GPC6: variants seen among roughly 807,000 people sequenced by gnomAD.
GPC6 encodes glypican 6.
GPC6 carries 14 observed loss-of-function variants against 55.2 expected under a neutral mutation model. The observed-to-expected ratio is 0.25, with a 90% confidence interval of 0.17 to 0.40. The LOEUF is 0.40. GPC6 is among the 10% of genes least tolerant of loss of function. The probability of loss-of-function intolerance (pLI) is 1.00; values close to 1 mark genes in which losing one functional copy is unlikely to be tolerated. For missense variants in GPC6, 641 were observed against 708.5 expected, an observed-to-expected ratio of 0.90 and a Z score of 1.08; for synonymous variants, 278 against 259.6, an observed-to-expected ratio of 1.07 and a Z score of -0.68.
intron 6 of GPC6, among the ~76,000 whole-genome samples, chr13:94,327,603 T>C (rs1877192423): frequency 6.6e-6 from 1 of 152,212 alleles, no homozygotes; most frequent in African/African-American, 2.4e-5. Flanking sequence ...GACACTTTAC[T>C]CTGACCCAGG....
At chr13:93,655,225 C>A (rs2139604472) in intron 2 of GPC6, among the ~76,000 whole-genome samples, 1 of 152,074 alleles carries the variant, frequency 6.6e-6, no homozygotes, top group Middle Eastern at 3.4e-3. Flanking sequence ...CAACAGTTTT[C>A]TTTTTTTCCC....
chr13:93,662,168 T>C (rs1880951476), intron 2 of GPC6, among the ~76,000 whole-genome samples: 1 of 152,232 alleles, frequency 6.6e-6, no homozygotes, highest in South Asian at 2.1e-4. Flanking sequence ...CATATATGTT[T>C]CTCTTCCTTC....
chr13:93,844,965 C>T (rs1274604762), intron 3 of GPC6, among the ~76,000 whole-genome samples: 2 of 151,984 alleles, frequency 1.3e-5, no homozygotes, highest in African/African-American at 2.4e-5. Context: ...AGGTATGCGG[C>T]GTTATTTCTA....
intron 2 of GPC6, among the ~76,000 whole-genome samples, chr13:93,548,690 G>T (rs1408976764): frequency 6.6e-6 from 1 of 152,078 alleles, no homozygotes; most frequent in Non-Finnish European, 1.5e-5. Context: ...GGAAGTTAAA[G>T]TGGAATCAGT....
rs1883177496 is a variant in GPC6, at chr13:93,714,351, A to G, written c.320-115803A>G. Among the ~76,000 whole-genome samples the G allele has an allele frequency of 1.3e-5, 2 of 151,972 alleles. 1 individual carries two copies. The highest frequency in any genetic ancestry group is 4.1e-4 in the South Asian group (2 of 4,830). Reference sequence around the variant, plus strand: ...GAAAAAATGCCCATCATCACTAGTCATCAGAGTACTGCACATCAAAACCAC... The same window carrying G: ...GAAAAAATGCCCATCATCACTAGTCGTCAGAGTACTGCACATCAAAACCAC... On this transcript the variant is annotated intron_variant, in intron 2 of 8. Transcript: ENST00000377047.
intron 3 of GPC6, among the ~76,000 whole-genome samples, chr13:93,994,658 G>A (rs1881457810): frequency 6.6e-6 from 1 of 152,124 alleles, no homozygotes; most frequent in Non-Finnish European, 1.5e-5. Context: ...TGAAGATAGT[G>A]GTTCTGTAAG....
At chr13:93,850,865 G>T (rs544920543) in intron 3 of GPC6, among the ~76,000 whole-genome samples, 2 of 152,032 alleles carry the variant, frequency 1.3e-5, no homozygotes, top group South Asian at 2.1e-4. Flanking sequence ...CAATGTGATG[G>T]TTATTGAGGT....
At chr13:93,554,157 AAGAGAG>A (rs916016699) in intron 2 of GPC6, among the ~76,000 whole-genome samples, 1 of 151,018 alleles carries the variant, frequency 6.6e-6, no homozygotes, top group Non-Finnish European at 1.5e-5. Context: ...AAAAAAAAAA[AAGAGAG>A]AGAGAGAGCT....
At chr13:93,968,427 G>A (rs931574539) in intron 3 of GPC6, among the ~76,000 whole-genome samples, 1 of 152,054 alleles carries the variant, frequency 6.6e-6, no homozygotes, top group African/African-American at 2.4e-5. Context: ...TTAAAAAACA[G>A]TTTTTAATAT....
intron 1 of GPC6, among the ~76,000 whole-genome samples, chr13:93,448,785 G>A (rs1238237454): frequency 2.0e-5 from 3 of 152,114 alleles, no homozygotes; most frequent in Non-Finnish European, 2.9e-5. Flanking sequence ...TAAATGTCTT[G>A]TATAAGATTC....
Position 93,979,281 on chromosome 13 carries a change from TTGTG to T in GPC6, c.712-48414_712-48411del, listed in dbSNP as rs72400372. ...ATTGGACAGCACAAAGACACTTCTT[TTGTG>T]TGTGTGTGTGTGTGTGTGTGTGTGT... On this transcript the variant is annotated intron_variant, in intron 3 of 8. Transcript: ENST00000377047. Among the ~76,000 whole-genome samples the T allele has an allele frequency of 8.7e-3, 1,215 of 140,228 alleles. 8 individuals carry two copies. The highest frequency in any genetic ancestry group is 0.019 in the Middle Eastern group (5 of 270). 92.0% of individuals were successfully genotyped at this position (140,228 alleles called of 152,430 possible). A position where few individuals can be genotyped will look rare whatever the true frequency, so the allele number is the denominator to read the frequency against.
rs1434969000 is a variant in GPC6, at chr13:93,491,214, A to G, written c.161-54049A>G. 5.8e-5 allele frequency among the ~76,000 whole-genome samples: 2 copies of G among 34,376 alleles called. 1 individual carries two copies. The highest frequency in any genetic ancestry group is 2.2e-4 in the African/African-American group (2 of 8,958). The allele number at this position is 34,376 out of a possible 152,430, so 22.6% of individuals were successfully genotyped here. On this transcript the variant is annotated intron_variant, in intron 1 of 8. Coordinates refer to ENST00000377047, the MANE Select transcript of GPC6 (RefSeq NM_005708.5). The stretch of plus-strand genomic sequence containing the variant: ...CTGACATTTTAATGATTGCCATTCT[A>G]ACTGGTGTGAGATGGTATCTCATTG...
intron 4 of GPC6, among the ~76,000 whole-genome samples, chr13:94,164,573 A>G (rs767828859): frequency 6.6e-6 from 1 of 152,188 alleles, no homozygotes; most frequent in Middle Eastern, 3.2e-3. Flanking sequence ...ATCCAGTTAA[A>G]TTTTCTGATT....
At chr13:93,598,543 T>C (rs1315317653) in intron 2 of GPC6, among the ~76,000 whole-genome samples, 1 of 152,222 alleles carries the variant, frequency 6.6e-6, no homozygotes, top group African/African-American at 2.4e-5. Context: ...GGGTGAATTA[T>C]ATGAAATTGC....
intron 2 of GPC6, among the ~76,000 whole-genome samples, chr13:93,634,253 A>G (rs1288847018): frequency 6.6e-6 from 1 of 152,200 alleles, no homozygotes; most frequent in Non-Finnish European, 1.5e-5. Flanking sequence ...CAAAAACCTC[A>G]GGATGTCAAA....
intron 2 of GPC6, among the ~76,000 whole-genome samples, chr13:93,783,239 A>C (rs1332888725): frequency 6.6e-6 from 1 of 152,106 alleles, no homozygotes; most frequent in Admixed American, 6.6e-5. Flanking sequence ...ATTTGGGCTG[A>C]TTCCATGTCT....
Position 93,536,712 on chromosome 13 carries a change from A to G in GPC6, c.161-8551A>G, listed in dbSNP as rs540198308. The stretch of plus-strand genomic sequence containing the variant: ...TTGAACAACACCAATTTCACCTATG[A>G]ACATTTATTTTTAACATCTCTTCTG... On this transcript the variant is annotated intron_variant, in intron 1 of 8. Transcript: ENST00000377047. 6.6e-5 allele frequency among the ~76,000 whole-genome samples: 10 copies of G among 152,278 alleles called. No individual in the cohort carries two copies. The East Asian group carries it at 1.4e-3, about 21-fold the overall frequency.
At chr13:93,845,217 A>C (rs1888126695) in intron 3 of GPC6, among the ~76,000 whole-genome samples, 1 of 151,964 alleles carries the variant, frequency 6.6e-6, no homozygotes, top group South Asian at 2.1e-4. Flanking sequence ...ATGCAGCCAA[A>C]AAACACATGA....
chr13:93,856,594 T>C (rs778383143), intron 3 of GPC6, among the ~76,000 whole-genome samples: 2 of 151,618 alleles, frequency 1.3e-5, no homozygotes, highest in African/African-American at 2.4e-5. Flanking sequence ...GGGTAGTTAG[T>C]TGGTGCACAG....
Sources: allele counts gnomAD v4.1 joint callset (sites outside exome capture counted in the v4.1 genomes callset), GRCh38; gene constraint gnomAD v4.1.1; transcripts MANE v1.5; gene names NCBI Gene and HGNC (gene_info 2026-07-23, HGNC 2026-07-21).